The following NRG2 variants were observed in gnomAD, a reference collection of about 807,000 sequenced individuals.
NRG2 encodes pro-neuregulin-2, membrane-bound isoform.
In NRG2, 27 loss-of-function variants were observed where a neutral mutation model predicts 73.9. The ratio of observed to expected loss-of-function variants is 0.37; its 90% CI spans 0.27 to 0.50. The LOEUF (loss-of-function observed/expected upper bound fraction) is 0.50, where lower values mean the gene tolerates loss of function less well. NRG2 is among the 20% of genes least tolerant of loss of function. The pLI, the probability that NRG2 is intolerant of heterozygous loss-of-function variation, is 0.96. For synonymous variants in NRG2, 532 were observed against 541.0 expected (o/e 0.98, Z 0.23); for missense variants, 1,126 against 1,210.1 (o/e 0.93, Z 1.03).
intron 1 of NRG2, among the ~76,000 whole-genome samples, chr5:140,026,942 G>A (rs1379841884): frequency 2.0e-5 from 3 of 152,202 alleles, no homozygotes; most frequent in Admixed American, 6.5e-5. Flanking sequence ...GCAATGCCTC[G>A]AAGAATGTTT....
At chr5:140,026,851 C>G (rs561935203) in intron 1 of NRG2, among the ~76,000 whole-genome samples, 1 of 152,172 alleles carries the variant, frequency 6.6e-6, no homozygotes, top group East Asian at 1.9e-4. Context: ...CTAAACATAA[C>G]AGGGTATGGC....
chr5:139,895,867 G>A (rs1176151906), intron 1 of NRG2, among the ~76,000 whole-genome samples: 2 of 152,218 alleles, frequency 1.3e-5, no homozygotes, highest in African/African-American at 4.8e-5. Context: ...GCTGGGCTCT[G>A]GGCCAAAGTC....
At chr5:139,909,450 T>C (rs1028633191) in intron 1 of NRG2, among the ~76,000 whole-genome samples, 3 of 152,338 alleles carry the variant, frequency 2.0e-5, no homozygotes, top group Non-Finnish European at 2.9e-5. Context: ...ATGGGAATTA[T>C]TGGGGGAGAG....
chr5:139,943,468 G>A (rs1435562729), intron 1 of NRG2, among the ~76,000 whole-genome samples: 1 of 152,126 alleles, frequency 6.6e-6, no homozygotes, highest in African/African-American at 2.4e-5. Context: ...TTTTTGTGAA[G>A]AAATTGTGCT....
intron 1 of NRG2, among the ~76,000 whole-genome samples, chr5:139,902,370 G>T (rs1401699223): frequency 1.3e-5 from 2 of 152,218 alleles, no homozygotes; most frequent in African/African-American, 4.8e-5. Flanking sequence ...CTGGGTTTGT[G>T]TGGAGAGAGG....
chr5:139,933,248 C>G (rs756901711), intron 1 of NRG2, among the ~76,000 whole-genome samples: 40 of 151,856 alleles, frequency 2.6e-4, no homozygotes, highest in Non-Finnish European at 5.1e-4. Context: ...GCACTCCAGC[C>G]TGGCTGACAG....
chr5:139,903,816 G>C (rs938958914), intron 1 of NRG2, among the ~76,000 whole-genome samples: 12 of 152,262 alleles, frequency 7.9e-5, no homozygotes, highest in Non-Finnish European at 1.8e-4. Flanking sequence ...GGCGGGCGCT[G>C]TTGCCCACGC....
intron 1 of NRG2, among the ~76,000 whole-genome samples, chr5:139,889,240 T>C (rs940724955): frequency 6.6e-6 from 1 of 152,160 alleles, no homozygotes; most frequent in South Asian, 2.1e-4. Context: ...TTCAAGGAAA[T>C]GAAAGTTATG....
In NRG2 at chr5:139,903,926, G is replaced by A. The variant is rs890360397; in HGVS notation, c.701-16415C>T. Among the ~76,000 whole-genome samples the A allele has an allele frequency of 2.0e-5, 3 of 152,200 alleles. 1 individual carries two copies. In the South Asian group the frequency reaches 6.2e-4, roughly 31 times the overall value. ...GGAAGGGAAGGCAGTGACAGCTCCC[G>A]GAGCGCTCGGCGGCCAGGCCGGGCC... On this transcript the variant is annotated intron_variant, in intron 1 of 9. Coordinates refer to ENST00000361474, the MANE Select transcript of NRG2 (RefSeq NM_004883.3).
chr5:139,894,009 C>T lies in NRG2; in HGVS notation c.701-6498G>A, dbSNP rs1472680989. ...AGCTCCTCATTAAAGATAGCGACAA[C>T]AGCAACAACAACCAGGACTGCTCTC... On this transcript the variant is annotated intron_variant, in intron 1 of 9. Transcript: ENST00000361474. This position sits in a 1 kb window ranked among gnomAD's most constrained non-coding sequence, Gnocchi z 5.0. Among the ~76,000 whole-genome samples, 1 of 152,200 alleles carries T rather than the reference C, an allele frequency of 6.6e-6. No homozygotes were observed. The highest frequency in any genetic ancestry group is 1.9e-4 in the East Asian group (1 of 5,184).
intron 1 of NRG2, among the ~76,000 whole-genome samples, chr5:139,935,911 A>G (rs1328951904): frequency 4.6e-4 from 69 of 151,024 alleles, no homozygotes; most frequent in Non-Finnish European, 1.5e-5. Flanking sequence ...GTGAGCCAAG[A>G]CTGCACCACT....
intron 1 of NRG2, among the ~76,000 whole-genome samples, chr5:140,029,230 G>A (rs974841105): frequency 6.6e-6 from 1 of 152,076 alleles, no homozygotes; most frequent in African/African-American, 2.4e-5. Context: ...GTAGAAACTG[G>A]GACTCAAAAA....
At chr5:139,966,589 G>C (rs1301085905) in intron 1 of NRG2, among the ~76,000 whole-genome samples, 1 of 152,124 alleles carries the variant, frequency 6.6e-6, no homozygotes, top group African/African-American at 2.4e-5. Flanking sequence ...AGGAAAGAGG[G>C]AAGAAAAGAA....
At chr5:139,956,164 TC>T (rs1754612142) in intron 1 of NRG2, among the ~76,000 whole-genome samples, 1 of 151,968 alleles carries the variant, frequency 6.6e-6, no homozygotes. Flanking sequence ...TCACATGTGC[TC>T]CCTCTGTCCA....
intron 1 of NRG2, among the ~76,000 whole-genome samples, chr5:140,007,301 G>A (rs1053620452): frequency 4.6e-5 from 7 of 152,128 alleles, no homozygotes; most frequent in Non-Finnish European, 1.0e-4. Context: ...TGTGCGAGCT[G>A]TAGTGCCTTC....
At chr5:139,875,836 T>A (rs908208405) in intron 3 of NRG2, among the ~76,000 whole-genome samples, 2 of 152,150 alleles carry the variant, frequency 1.3e-5, no homozygotes, top group Non-Finnish European at 2.9e-5. Flanking sequence ...AGAAGGATAA[T>A]AACATGTGGT....
rs1761516483 is a variant in NRG2 at position 139,852,577 on chromosome 5, G to C, written c.1417-18C>G. 6.2e-7 allele frequency: 1 copy of C among 1,611,140 alleles called. No individual in the cohort carries two copies. The highest frequency in any genetic ancestry group is 8.5e-7 in the Non-Finnish European group (1 of 1,178,392). On this transcript the variant is annotated intron_variant, in intron 7 of 9. Transcript: ENST00000361474. This position sits in a 1 kb window ranked among gnomAD's most constrained non-coding sequence, Gnocchi z 4.4. ...GAAATATACTGGAACAGACAGAGTT[G>C]GGCGAGAGTTAGTGACTGGGGCCCA... is the stretch of plus-strand genomic sequence containing the variant.
intron 1 of NRG2, among the ~76,000 whole-genome samples, chr5:140,021,221 C>T (rs886503426): frequency 2.6e-5 from 4 of 152,150 alleles, no homozygotes; most frequent in Non-Finnish European, 4.4e-5. Context: ...AAAACAGGCT[C>T]AAAAAGGTCA....
At chr5:140,034,328 C>T (rs950148321) in intron 1 of NRG2, among the ~76,000 whole-genome samples, 19 of 149,666 alleles carry the variant, frequency 1.3e-4, no homozygotes, top group African/African-American at 3.6e-4. Flanking sequence ...AGTTTTGGGT[C>T]GACTTTTTTT....
Sources: allele counts gnomAD v4.1 joint callset (sites outside exome capture counted in the v4.1 genomes callset), GRCh38; gene constraint gnomAD v4.1.1; non-coding constraint Gnocchi (gnomAD v3.1); transcripts MANE v1.5; gene names NCBI Gene and HGNC (gene_info 2026-07-23, HGNC 2026-07-21).